UBN2: variants seen among roughly 807,000 people sequenced by gnomAD.
UBN2 encodes the protein ubinuclein-2.
Under a neutral mutation model 120.2 loss-of-function variants are expected in UBN2, and 35 were observed. That is an observed-to-expected ratio of 0.29 (90% CI 0.22 to 0.39). UBN2 has a LOEUF of 0.39. Ranked by LOEUF, UBN2 falls within the 10% of genes least tolerant of loss-of-function variation. The pLI is 1.00. For synonymous variants in UBN2, 661 were observed against 648.7 expected, an observed-to-expected ratio of 1.02 and a Z score of -0.29; for missense variants, 1,693 against 1,663.2, an observed-to-expected ratio of 1.02 and a Z score of -0.31.
At chr7:139,262,030 G>T (rs1177237345) in intron 6 of UBN2, among the ~76,000 whole-genome samples, 1 of 149,346 alleles carries the variant, frequency 6.7e-6, no homozygotes, top group African/African-American at 2.5e-5. Flanking sequence ...TGATCCGCCT[G>T]CCTTGGCCTC....
At position 139,297,929 on chromosome 7, in the gene UBN2, T is replaced by C. The variant is rs1798157170; in HGVS notation, c.*93T>C. 2.9e-6 allele frequency: 4 copies of C among 1,370,372 alleles called. No individual in the cohort carries two copies. Among genetic ancestry groups the C allele is most frequent in the African/African-American group, 1.4e-5 (1 of 69,864 alleles). 84.9% of individuals were successfully genotyped at this position (1,370,372 alleles called of 1,614,324 possible). Reference sequence around the variant, plus strand: ...TATGTGGTCATAGGGCTGCTGTTTCTGTCGATGTTTACATTCTCTCGTCCC... The same window carrying C: ...TATGTGGTCATAGGGCTGCTGTTTCCGTCGATGTTTACATTCTCTCGTCCC... On this transcript the variant is annotated 3_prime_UTR_variant, in exon 18 of 18. Coordinates refer to ENST00000473989, the MANE Select transcript of UBN2 (RefSeq NM_173569.4).
chr7:139,282,982 A>G, intron 14 of UBN2, 42 bp from the exon 15 acceptor site: 1 of 1,390,890 alleles, frequency 7.2e-7, no homozygotes, highest in Non-Finnish European at 9.6e-7. Context: ...GTAATTTTTT[A>G]TTCACCATTT....
At chr7:139,291,039 A>G (rs576871492) in intron 15 of UBN2, among the ~76,000 whole-genome samples, 1 of 152,348 alleles carries the variant, frequency 6.6e-6, no homozygotes, top group Admixed American at 6.5e-5. Flanking sequence ...TATTTTTAAA[A>G]TAGTCAACAA....
Position 139,259,295 on chromosome 7 carries a change from A to G in UBN2, c.830A>G (p.Glu277Gly). Residue 277 changes from glutamate to glycine, a missense_variant, in exon 5 of 18, where the codon GAG becomes GGG. Around this residue, in one of 5 missense-constraint regions of UBN2, gnomAD observed 663 missense variants for 591.2 expected, o/e 1.12. Coordinates refer to ENST00000473989, the MANE Select transcript of UBN2 (RefSeq NM_173569.4). ...CCCAAAATAAAAGAAGATGATATTG[A>G]GATGAAGAAGCGGAAGCGGAAAGAG... is the stretch of plus-strand genomic sequence containing the variant. ...KVPKIKEDDIEMKKRKRKEEG... is the reference protein window; with the variant it reads ...KVPKIKEDDIGMKKRKRKEEG... The G allele has an allele frequency of 1.9e-6, 3 of 1,613,858 alleles. No individual in the cohort carries two copies. Among genetic ancestry groups the G allele is most frequent in the Non-Finnish European group, 2.5e-6 (3 of 1,179,836 alleles).
intron 17 of UBN2, among the ~76,000 whole-genome samples, chr7:139,296,615 G>C (rs939969474): frequency 6.6e-6 from 1 of 152,134 alleles, no homozygotes. Flanking sequence ...CCTTACCCTT[G>C]CCCTGGTATC....
At chr7:139,316,880 T>C in the UBN2 span, among the ~76,000 whole-genome samples, 1 of 152,102 alleles carries the variant, frequency 6.6e-6, no homozygotes, top group Non-Finnish European at 1.5e-5. Context: ...ATTCCTTCTT[T>C]CTATAAGATT....
chr7:139,282,664 A>G (rs1156405891), intron 14 of UBN2, among the ~76,000 whole-genome samples: 1 of 152,166 alleles, frequency 6.6e-6, no homozygotes, highest in African/African-American at 2.4e-5. Context: ...TAAAGGCAGA[A>G]TTTATTCTGA....
chr7:139,282,071 G>T lies in UBN2; in HGVS notation c.2118+16G>T. ...TATGCTTAAGGTAAGTGCTATGGTT[G>T]TATCAATCAGTATGTAATATAACAC... On this transcript the variant is annotated intron_variant, in intron 14 of 17. Transcript: ENST00000473989. The T allele has an allele frequency of 2.5e-6, 4 of 1,611,288 alleles. No individual in the cohort carries two copies. Among genetic ancestry groups the T allele is most frequent in the Non-Finnish European group, 2.5e-6 (3 of 1,177,670 alleles).
At chr7:139,239,869 T>C (rs1215518677) in intron 2 of UBN2, among the ~76,000 whole-genome samples, 1 of 152,228 alleles carries the variant, frequency 6.6e-6, no homozygotes, top group East Asian at 1.9e-4. Flanking sequence ...AGTGTCTATT[T>C]TGCTGTGGGT....
intron 12 of UBN2, among the ~76,000 whole-genome samples, chr7:139,278,122 G>A (rs1442066386): frequency 6.6e-6 from 1 of 151,164 alleles, no homozygotes; most frequent in African/African-American, 2.4e-5. Context: ...TACAAATAAT[G>A]CATTCCTTTA....
chr7:139,244,188 T>C (rs1796398635), intron 2 of UBN2, among the ~76,000 whole-genome samples: 1 of 152,208 alleles, frequency 6.6e-6, no homozygotes, highest in Non-Finnish European at 1.5e-5. Context: ...TTTTTGTTAC[T>C]GTTCACTGTA....
At chr7:139,236,975 C>A (rs745409276) in intron 1 of UBN2, 30 bp from the exon 2 acceptor site, 26 of 1,444,550 alleles carry the variant, frequency 1.8e-5, no homozygotes, top group Non-Finnish European at 2.5e-5. Context: ...ATGGATACTT[C>A]TCTTTCTTTT....
chr7:139,231,626 C>A lies in UBN2; in HGVS notation c.142C>A (p.Arg48=). The A allele has an allele frequency of 8.0e-7, 1 of 1,256,598 alleles. No homozygotes were observed. Among genetic ancestry groups the A allele is most frequent in the Non-Finnish European group, 1.0e-6 (1 of 1,001,784 alleles). The allele number at this position is 1,256,598 out of a possible 1,614,324, so 77.8% of individuals were successfully genotyped here. The change falls in exon 1 of 18, where the codon CGG becomes AGG. Residue 48 remains arginine (R), a synonymous_variant. Transcript: ENST00000473989. ...LEPQPYREPA[R]AEPPAPREPA... is the part of the protein sequence containing the mutation. ...GCCGCAGCCGTACCGCGAGCCGGCC[C>A]GGGCGGAGCCGCCGGCCCCGCGGGA...
At chr7:139,261,828 A>G in intron 6 of UBN2, 87 bp downstream of exon 6, 1 of 1,336,904 alleles carries the variant, frequency 7.5e-7, no homozygotes, top group Non-Finnish European at 1.0e-6. Context: ...TTTCCACATA[A>G]CACTGGTATA....
downstream of UBN2, among the ~76,000 whole-genome samples, chr7:139,310,733 A>G (rs894086962): frequency 2.0e-5 from 3 of 152,216 alleles, no homozygotes; most frequent in African/African-American, 7.2e-5. Flanking sequence ...AGATCGTGCT[A>G]CTGCACTCCA....
chr7:139,255,809 T>C (rs1233335327), intron 3 of UBN2, among the ~76,000 whole-genome samples: 2 of 152,202 alleles, frequency 1.3e-5, no homozygotes, highest in Non-Finnish European at 2.9e-5. Flanking sequence ...TTTTGAAGAT[T>C]ATTTTTAGTC....
chr7:139,261,682 C>A lies in UBN2; in HGVS notation c.1336C>A (p.Pro446Thr), dbSNP rs373255701. 3.7e-6 allele frequency: 6 copies of A among 1,614,040 alleles called. No homozygotes were observed. The highest frequency in any genetic ancestry group is 5.1e-6 in the Non-Finnish European group (6 of 1,180,042). ...YTSQVMPKVVPTLPEGLPVLL... is the reference protein window; with the variant it reads ...YTSQVMPKVVTTLPEGLPVLL... Reference sequence around the variant, plus strand: ...TTCTCAGGTTATGCCCAAAGTGGTACCTACACTCCCAGAGGGTCTACCTGT... The same window carrying A: ...TTCTCAGGTTATGCCCAAAGTGGTAACTACACTCCCAGAGGGTCTACCTGT... Residue 446 changes from proline (P) to threonine (T), a missense_variant, in exon 6 of 18, where the codon CCT becomes ACT. Pro to Thr is a conservative substitution (Grantham distance 38, BLOSUM62 -1). Coordinates refer to ENST00000473989, the MANE Select transcript of UBN2 (RefSeq NM_173569.4).
intron 12 of UBN2, 129 bp downstream of exon 12, chr7:139,276,276 A>C (rs1414073261): frequency 1.2e-6 from 1 of 846,644 alleles, no homozygotes; most frequent in Non-Finnish European, 1.9e-6. Flanking sequence ...GACTATTTAG[A>C]CTTCAGAACA....
intron 1 of UBN2, among the ~76,000 whole-genome samples, chr7:139,233,337 T>C (rs1015519483): frequency 1.3e-5 from 2 of 152,190 alleles, no homozygotes; most frequent in Admixed American, 1.3e-4. Context: ...ATTAAAAATA[T>C]TGGATTGGAG....
Sources: gnomAD v4.1 joint callset for allele counts (sites outside exome capture counted in the v4.1 genomes callset) on GRCh38, gnomAD v4.1.1 for gene constraint, gnomAD v4.1.1 regional missense constraint, MANE v1.5 for transcripts, NCBI Gene and HGNC (gene_info 2026-07-23, HGNC 2026-07-21) for gene names.